Variants in LRP1B observed in about 807,000 individuals in gnomAD.
LRP1B encodes the protein LDL receptor related protein 1B.
LRP1B carries 217 observed loss-of-function variants against 556.6 expected under a neutral mutation model. The ratio of observed to expected loss-of-function variants is 0.39; its 90% CI spans 0.35 to 0.44. The LOEUF is 0.44. LRP1B is among the 20% of genes least tolerant of loss of function. The pLI, the probability that LRP1B is intolerant of heterozygous loss-of-function variation, is 1.00. For synonymous variants in LRP1B, 2,047 were observed against 1,865.8 expected, an observed-to-expected ratio of 1.10 and a Z score of -2.50; for missense variants, 5,053 against 5,620.8, an observed-to-expected ratio of 0.90 and a Z score of 3.23.
chr2:140,902,257 A>T (rs1463944257), intron 23 of LRP1B, among the ~76,000 whole-genome samples: 7 of 152,160 alleles, frequency 4.6e-5, no homozygotes, highest in African/African-American at 9.7e-5. Context: ...ACTTCTTTAA[A>T]CACCCAATGG....
chr2:140,535,483 T>C (rs1690910259), intron 46 of LRP1B, among the ~76,000 whole-genome samples: 1 of 152,146 alleles, frequency 6.6e-6, no homozygotes, highest in African/African-American at 2.4e-5. Context: ...TGAGAAGATG[T>C]CTGTGGATCT....
chr2:141,438,219 T>A (rs2104997777), intron 3 of LRP1B, among the ~76,000 whole-genome samples: 1 of 152,296 alleles, frequency 6.6e-6, no homozygotes, highest in Non-Finnish European at 1.5e-5. Context: ...TCTGTTCATC[T>A]ATGACTTCAT....
intron 2 of LRP1B, among the ~76,000 whole-genome samples, chr2:141,602,988 T>G (rs2105311482): frequency 6.6e-6 from 1 of 152,330 alleles, no homozygotes; most frequent in East Asian, 1.9e-4. Context: ...AAATGCATTG[T>G]TAAATTGAGA....
chr2:140,288,596 A>C (rs1573738935), intron 84 of LRP1B, among the ~76,000 whole-genome samples: 2 of 151,910 alleles, frequency 1.3e-5, no homozygotes, highest in Admixed American at 6.6e-5. Flanking sequence ...ATGTCTCTAC[A>C]TAATTTATGT....
At chr2:141,949,176 A>G (rs775442954) in intron 1 of LRP1B, among the ~76,000 whole-genome samples, 3 of 152,156 alleles carry the variant, frequency 2.0e-5, no homozygotes, top group African/African-American at 4.8e-5. Flanking sequence ...TAAGTATCCA[A>G]TGACATTGCA....
At chr2:140,768,889 T>C (rs1689205402) in intron 35 of LRP1B, among the ~76,000 whole-genome samples, 1 of 151,908 alleles carries the variant, frequency 6.6e-6, no homozygotes, top group East Asian at 1.9e-4. Context: ...AAATGCTTTG[T>C]ATGTCCTTAT....
At chr2:141,880,167 G>A (rs1049584402) in intron 1 of LRP1B, among the ~76,000 whole-genome samples, 24 of 152,030 alleles carry the variant, frequency 1.6e-4, no homozygotes, top group African/African-American at 5.8e-4. Context: ...GATCCATCAA[G>A]GGCCAAGTCT....
intron 60 of LRP1B, among the ~76,000 whole-genome samples, chr2:140,463,515 T>C (rs1687410250): frequency 6.6e-6 from 1 of 152,170 alleles, no homozygotes; most frequent in South Asian, 2.1e-4. Flanking sequence ...TCCTACTTGA[T>C]AGTAACAAAC....
intron 27 of LRP1B, among the ~76,000 whole-genome samples, chr2:140,856,717 G>A (rs1189931832): frequency 1.3e-5 from 2 of 151,050 alleles, no homozygotes; most frequent in Non-Finnish European, 2.9e-5. Context: ...CAGGTGATAC[G>A]CTGGCGGGAA....
chr2:140,673,363 C>A (rs1017899459), intron 41 of LRP1B, among the ~76,000 whole-genome samples: 1 of 152,102 alleles, frequency 6.6e-6, no homozygotes, highest in East Asian at 1.9e-4. Flanking sequence ...TGTGCTTAAT[C>A]TCTTTTTTCT....
chr2:141,913,454 T>A (rs1277285612), intron 1 of LRP1B, among the ~76,000 whole-genome samples: 2 of 151,968 alleles, frequency 1.3e-5, no homozygotes, highest in Non-Finnish European at 2.9e-5. Context: ...GCTGAAAAAA[T>A]GGTGAGTTTG....
chr2:140,333,453 C>T (rs1171201168), intron 79 of LRP1B, among the ~76,000 whole-genome samples: 4 of 151,990 alleles, frequency 2.6e-5, no homozygotes, highest in African/African-American at 9.7e-5. Flanking sequence ...ATTCAATGGG[C>T]ATATTTGTTA....
intron 37 of LRP1B, among the ~76,000 whole-genome samples, chr2:140,705,855 A>G (rs1686819327): frequency 6.6e-6 from 1 of 152,156 alleles, no homozygotes; most frequent in South Asian, 2.1e-4. Flanking sequence ...TAATTTATCA[A>G]CTGAATAAAA....
At chr2:140,528,194 G>A (rs377058910) in intron 47 of LRP1B, among the ~76,000 whole-genome samples, 7 of 151,888 alleles carry the variant, frequency 4.6e-5, no homozygotes, top group East Asian at 3.9e-4. Context: ...GCGATTTCAC[G>A]TAATAGCGTT....
At chr2:141,491,277 A>T (rs1683324744) in intron 2 of LRP1B, among the ~76,000 whole-genome samples, 1 of 152,162 alleles carries the variant, frequency 6.6e-6, no homozygotes, top group Non-Finnish European at 1.5e-5. Context: ...AATCCTATTG[A>T]GTCCTTAAGA....
At chr2:141,926,553 T>C (rs1700337870) in intron 1 of LRP1B, among the ~76,000 whole-genome samples, 1 of 152,126 alleles carries the variant, frequency 6.6e-6, no homozygotes, top group African/African-American at 2.4e-5. Context: ...ACCTATTAGA[T>C]AGCTCACACA....
At position 141,752,945 on chromosome 2, in the gene LRP1B, G is replaced by GAAAA. The variant is rs70994450; in HGVS notation, c.205+57330_205+57333dup. On this transcript the variant is annotated intron_variant, in intron 2 of 90. Coordinates refer to ENST00000389484, the MANE Select transcript of LRP1B (RefSeq NM_018557.3). ...GGTGACAGACTGAGACCCTGTCTCA[G>GAAAA]AAAAAAAAAAAAAAAATTATGCTGG... is the stretch of plus-strand genomic sequence containing the variant. 5.3e-4 allele frequency among the ~76,000 whole-genome samples: 15 copies of GAAAA among 28,224 alleles called. 2 individuals are homozygous for GAAAA. The South Asian group carries it at 0.011, about 21-fold the overall frequency. 18.5% of individuals were successfully genotyped at this position (28,224 alleles called of 152,430 possible). A position where few individuals can be genotyped will look rare whatever the true frequency, so the allele number is the denominator to read the frequency against.
At chr2:141,627,320 G>C (rs1253282311) in intron 2 of LRP1B, among the ~76,000 whole-genome samples, 1 of 152,186 alleles carries the variant, frequency 6.6e-6, no homozygotes, top group Non-Finnish European at 1.5e-5. Flanking sequence ...AGAGCACAGA[G>C]GATTTTAGGT....
chr2:141,923,179 T>C (rs1180881043), intron 1 of LRP1B, among the ~76,000 whole-genome samples: 2 of 151,676 alleles, frequency 1.3e-5, no homozygotes, highest in Admixed American at 1.3e-4. Context: ...GGTTAAAAAA[T>C]TAGGCATGTA....
Sources: gnomAD v4.1 joint callset for allele counts (sites outside exome capture counted in the v4.1 genomes callset) on GRCh38, gnomAD v4.1.1 for gene constraint, MANE v1.5 for transcripts, NCBI Gene and HGNC (gene_info 2026-07-23, HGNC 2026-07-21) for gene names.